Variants in CXCL12 observed in about 807,000 individuals in gnomAD.
The protein encoded by CXCL12 is C-X-C motif chemokine ligand 12, also known as stromal cell-derived factor 1.
In CXCL12, 4 loss-of-function variants were observed where a neutral mutation model predicts 10.7. The ratio of observed to expected loss-of-function variants is 0.37; its 90% CI spans 0.18 to 0.86. The LOEUF (loss-of-function observed/expected upper bound fraction) is 0.86, where lower values mean the gene tolerates loss of function less well. Ranked by LOEUF, CXCL12 falls within the 40% of genes least tolerant of loss-of-function variation. The pLI is 0.43. For missense variants in CXCL12, 122 were observed against 110.4 expected, an observed-to-expected ratio of 1.10 and a Z score of -0.47; for synonymous variants, 54 against 45.4, an observed-to-expected ratio of 1.19 and a Z score of -0.77.
Position 44,384,871 on chromosome 10 carries a change from G to C in CXCL12, c.61+74C>G, listed in dbSNP as rs1839750471. On this transcript the variant is annotated intron_variant, in intron 1 of 2. Coordinates refer to ENST00000343575, the MANE Select transcript of CXCL12 (RefSeq NM_199168.4). ...GGCGCAAACTGCGGGCGCAGGCAGA[G>C]GAGCCGCGGCTCTGCGCCGGGCGGG... 2.1e-6 allele frequency: 3 copies of C among 1,437,648 alleles called. No individual in the cohort carries two copies. In the African/African-American group the frequency reaches 4.4e-5, roughly 21 times the overall value. The allele number at this position is 1,437,648 out of a possible 1,614,324, so 89.1% of individuals were successfully genotyped here. A position where few individuals can be genotyped will look rare whatever the true frequency, so the allele number is the denominator to read the frequency against.
chr10:44,379,030 C>T (rs993031143), intron 2 of CXCL12, among the ~76,000 whole-genome samples: 3 of 151,850 alleles, frequency 2.0e-5, no homozygotes, highest in African/African-American at 4.8e-5. Context: ...AGTAAATAAA[C>T]GGGAAGGGAA....
chr10:44,372,734 G>A (rs1839346018), downstream of CXCL12: 1 of 1,433,288 alleles, frequency 7.0e-7, no homozygotes. Flanking sequence ...TGAGGGCTGG[G>A]TCTCACTCTG....
Position 44,384,893 on chromosome 10 carries a change from C to T in CXCL12, c.61+52G>A, listed in dbSNP as rs1037777322. 2.7e-6 allele frequency: 4 copies of T among 1,501,392 alleles called. No individual in the cohort carries two copies. In the African/African-American group the frequency reaches 5.7e-5, roughly 22 times the overall value. The allele number at this position is 1,501,392 out of a possible 1,614,324, so 93.0% of individuals were successfully genotyped here. A position where few individuals can be genotyped will look rare whatever the true frequency, so the allele number is the denominator to read the frequency against. ...AGAGGAGCCGCGGCTCTGCGCCGGG[C>T]GGGAGCCGAAGCCCAGAGCCTCGCC... On this transcript the variant is annotated intron_variant, in intron 1 of 2. Coordinates refer to ENST00000343575, the MANE Select transcript of CXCL12 (RefSeq NM_199168.4).
At chr10:44,381,264 T>C (rs964626343) in intron 1 of CXCL12, among the ~76,000 whole-genome samples, 24 of 152,320 alleles carry the variant, frequency 1.6e-4, no homozygotes, top group Middle Eastern at 6.8e-3. Flanking sequence ...AAGGGACAAC[T>C]GAGAAAGATC....
Position 44,378,424 on chromosome 10 carries a change from AAGCTGCAATATC to A in CXCL12, c.*197_*208del. 6.4e-7 allele frequency: 1 copy of A among 1,552,058 alleles called. No homozygotes were observed. The highest frequency in any genetic ancestry group is 1.8e-5 in the Admixed American group (1 of 54,876). On this transcript the variant is annotated 3_prime_UTR_variant, in exon 3 of 3. Transcript: ENST00000343575. The stretch of plus-strand genomic sequence containing the variant: ...ACAGGTACAGGGCATGGATGAATAT[AAGCTGCAATATC>A]ATACCGTATGCTATAAATGCAGGGT...
chr10:44,371,980 T>C (rs1402880365), downstream of CXCL12: 2 of 152,226 alleles, frequency 1.3e-5, no homozygotes. Context: ...ACATAGCACA[T>C]TGTTCTCTTA....
At chr10:44,371,268 C>T (rs1839305523), downstream of CXCL12, 1 of 348,584 alleles carries the variant, frequency 2.9e-6, no homozygotes, top group East Asian at 9.7e-5. Context: ...AGAAATGATT[C>T]CTTTCCTGAC....
chr10:44,375,140 C>T (rs1020687167), downstream of CXCL12, among the ~76,000 whole-genome samples: 1 of 152,190 alleles, frequency 6.6e-6, no homozygotes, highest in African/African-American at 2.4e-5. Context: ...AGTTCCATAG[C>T]ACATCTGTCC....
At chr10:44,383,392 C>T (rs1292214350) in intron 1 of CXCL12, among the ~76,000 whole-genome samples, 1 of 152,050 alleles carries the variant, frequency 6.6e-6, no homozygotes, top group Non-Finnish European at 1.5e-5. Context: ...TCTGTGCTTC[C>T]CCCAGGTCAG....
chr10:44,376,126 T>A, downstream of CXCL12: 1 of 1,380,644 alleles, frequency 7.2e-7, no homozygotes, highest in Non-Finnish European at 1.0e-6. Flanking sequence ...GTGTACTGGT[T>A]AAACTGTGCC....
At chr10:44,380,570 C>T (rs903466511) in intron 2 of CXCL12, 193 bp downstream of exon 2, 16 of 611,054 alleles carry the variant, frequency 2.6e-5, no homozygotes, top group Non-Finnish European at 4.1e-5. Context: ...AGGCCAAGAG[C>T]GGCTTTTAAA....
At chr10:44,380,536 T>A in intron 2 of CXCL12, 1 of 533,952 alleles carries the variant, frequency 1.9e-6, no homozygotes, top group East Asian at 3.2e-5. Flanking sequence ...AAGAGAGAAC[T>A]ACTACGAGCA....
chr10:44,384,453 C>A (rs1839734155), intron 1 of CXCL12, among the ~76,000 whole-genome samples: 1 of 152,336 alleles, frequency 6.6e-6, no homozygotes, highest in African/African-American at 2.4e-5. Context: ...TGCATCGGAC[C>A]TCACAGCCTC....
chr10:44,375,421 A>C (rs2132039084), downstream of CXCL12, among the ~76,000 whole-genome samples: 1 of 152,334 alleles, frequency 6.6e-6, no homozygotes, highest in South Asian at 2.1e-4. Flanking sequence ...AGGGTCAGTC[A>C]GTTTTCACCT....
rs2839695 is a variant in CXCL12 at position 44,378,401 on chromosome 10, A to G, written c.*232T>C. On this transcript the variant is annotated 3_prime_UTR_variant, in exon 3 of 3. Transcript: ENST00000343575. Reference sequence around the variant, plus strand: ...CAGTAATAAAAGTTCCAACGTGCACAGGTACAGGGCATGGATGAATATAAG... The same window carrying G: ...CAGTAATAAAAGTTCCAACGTGCACGGGTACAGGGCATGGATGAATATAAG... 0.19 allele frequency: 292,214 copies of G among 1,548,262 alleles called. 29,792 individuals are homozygous for G. Among genetic ancestry groups the G allele is most frequent in the Non-Finnish European group, 0.21 (239,511 of 1,148,620 alleles).
At position 44,385,029 on chromosome 10, in the gene CXCL12, G is replaced by GCGGA. The variant is rs1839764893; in HGVS notation, c.-28_-25dup. Reference sequence around the variant, plus strand: ...ATGGCGCGGGCGGGCGGGCGGGCGGGCGGACGAGCGCGGGTCGGGGGCCGG... The same window carrying GCGGA: ...ATGGCGCGGGCGGGCGGGCGGGCGGGCGGACGGACGAGCGCGGGTCGGGGGCCGG... On this transcript the variant is annotated 5_prime_UTR_variant, in exon 1 of 3. Coordinates refer to ENST00000343575, the MANE Select transcript of CXCL12 (RefSeq NM_199168.4). 3.1e-6 allele frequency: 2 copies of GCGGA among 641,832 alleles called. No homozygotes were observed. Among genetic ancestry groups the GCGGA allele is most frequent in the Non-Finnish European group, 2.5e-6 (1 of 407,288 alleles). 39.8% of individuals were successfully genotyped at this position (641,832 alleles called of 1,614,324 possible). A position where few individuals can be genotyped will look rare whatever the true frequency, so the allele number is the denominator to read the frequency against.
At chr10:44,382,835 T>C (rs886857168) in intron 1 of CXCL12, among the ~76,000 whole-genome samples, 5 of 152,206 alleles carry the variant, frequency 3.3e-5, no homozygotes, top group African/African-American at 1.2e-4. Context: ...CAAAAGAACA[T>C]GGTCTCGTGT....
downstream of CXCL12, chr10:44,372,857 C>T: frequency 6.6e-7 from 1 of 1,525,304 alleles, no homozygotes; most frequent in Non-Finnish European, 8.8e-7. Context: ...TGTGGCCCTC[C>T]ACCATCCCAT....
intron 1 of CXCL12, among the ~76,000 whole-genome samples, chr10:44,382,457 GA>G (rs1294381659): frequency 6.6e-6 from 1 of 152,176 alleles, no homozygotes; most frequent in Non-Finnish European, 1.5e-5. Flanking sequence ...GTTGGGGGTG[GA>G]GCAGGAGAAT....
Sources: gnomAD v4.1 joint callset for allele counts (sites outside exome capture counted in the v4.1 genomes callset) on GRCh38, gnomAD v4.1.1 for gene constraint, MANE v1.5 for transcripts, NCBI Gene and HGNC (gene_info 2026-07-23, HGNC 2026-07-21) for gene names.